The following AUTS2 variants were observed in gnomAD, a reference collection of about 807,000 sequenced individuals.
AUTS2 encodes autism susceptibility gene 2 protein.
Under a neutral mutation model 112.4 loss-of-function variants are expected in AUTS2, and 17 were observed. The ratio of observed to expected loss-of-function variants is 0.15; its 90% CI spans 0.10 to 0.23. The LOEUF (loss-of-function observed/expected upper bound fraction) is 0.23. Ranked by LOEUF, AUTS2 falls within the 10% of genes least tolerant of loss-of-function variation. AUTS2 has a pLI of 1.00. For missense variants in AUTS2, 1,510 were observed against 1,701.6 expected, an observed-to-expected ratio of 0.89 and a Z score of 1.98; for synonymous variants, 751 against 702.7, an observed-to-expected ratio of 1.07 and a Z score of -1.09.
intron 5 of AUTS2, among the ~76,000 whole-genome samples, chr7:70,440,380 C>T (rs1796077933): frequency 6.6e-6 from 1 of 152,086 alleles, no homozygotes; most frequent in Admixed American, 6.5e-5. Flanking sequence ...CTACACTGCA[C>T]TCCAGCCTGA....
At chr7:70,096,272 A>G (rs992822099) in intron 2 of AUTS2, among the ~76,000 whole-genome samples, 2 of 152,190 alleles carry the variant, frequency 1.3e-5, no homozygotes, top group African/African-American at 4.8e-5. Flanking sequence ...GTACCCTGAA[A>G]CTATGCATAT....
At chr7:69,964,558 G>A (rs759539520) in intron 2 of AUTS2, among the ~76,000 whole-genome samples, 5 of 151,956 alleles carry the variant, frequency 3.3e-5, no homozygotes, top group Non-Finnish European at 7.4e-5. Context: ...CTCGGTTTTC[G>A]TGAAGTTTAA....
chr7:69,803,800 C>G (rs1671406392), intron 1 of AUTS2, among the ~76,000 whole-genome samples: 1 of 152,174 alleles, frequency 6.6e-6, no homozygotes. Context: ...GAGGCCAAGG[C>G]AGGAGGATTG....
At chr7:69,877,175 A>T (rs1259195782) in intron 1 of AUTS2, among the ~76,000 whole-genome samples, 15 of 152,172 alleles carry the variant, frequency 9.9e-5, no homozygotes, top group Admixed American at 9.8e-4. Context: ...GCCTTGATTT[A>T]TAATGTCTAG....
At chr7:70,511,141 G>A (rs1281956837) in intron 5 of AUTS2, among the ~76,000 whole-genome samples, 22 of 151,912 alleles carry the variant, frequency 1.4e-4, no homozygotes, top group Admixed American at 2.6e-4. Context: ...GAACCACTGC[G>A]CTCGGCCTTT....
intron 1 of AUTS2, among the ~76,000 whole-genome samples, chr7:69,747,876 A>G (rs1787570336): frequency 6.6e-6 from 1 of 151,882 alleles, no homozygotes; most frequent in South Asian, 2.1e-4. Flanking sequence ...AATCTCTGTT[A>G]GGCCATTTTT....
intron 1 of AUTS2, among the ~76,000 whole-genome samples, chr7:69,737,753 T>TTGTCCTAGGATGCTTTTA (rs1456084533): frequency 1.5e-4 from 23 of 152,304 alleles, no homozygotes; most frequent in African/African-American, 5.1e-4. Context: ...GGATGCTTAT[T>TTGTCCTAGGATGCTTTTA]TGTCATGCAT....
intron 2 of AUTS2, among the ~76,000 whole-genome samples, chr7:70,072,677 A>T (rs977442229): frequency 1.3e-5 from 2 of 152,142 alleles, no homozygotes; most frequent in African/African-American, 4.8e-5. Context: ...CATTCCTAAC[A>T]TAGGTTGGCC....
chr7:70,195,599 C>T (rs965412389), intron 4 of AUTS2, among the ~76,000 whole-genome samples: 53 of 152,184 alleles, frequency 3.5e-4, no homozygotes, highest in African/African-American at 1.2e-3. Context: ...TGCAGTGACC[C>T]GAGATTGTGC....
At chr7:70,675,588 G>T (rs1807869972) in intron 5 of AUTS2, among the ~76,000 whole-genome samples, 1 of 152,146 alleles carries the variant, frequency 6.6e-6, no homozygotes, top group Non-Finnish European at 1.5e-5. Flanking sequence ...GGATTTGGTG[G>T]GTCAGAAATT....
intron 2 of AUTS2, among the ~76,000 whole-genome samples, chr7:70,052,250 G>C (rs1392553390): frequency 1.3e-5 from 2 of 152,148 alleles, no homozygotes; most frequent in Non-Finnish European, 2.9e-5. Flanking sequence ...ATCCATTCAT[G>C]ATAGGGGGTT....
At chr7:69,652,372 G>A (rs1286525129) in intron 1 of AUTS2, among the ~76,000 whole-genome samples, 1 of 151,574 alleles carries the variant, frequency 6.6e-6, no homozygotes, top group Admixed American at 6.6e-5. Flanking sequence ...ACCTGTGACA[G>A]GGATTTTTTT....
intron 2 of AUTS2, among the ~76,000 whole-genome samples, chr7:69,933,569 G>A (rs1191863867): frequency 2.0e-5 from 3 of 152,158 alleles, no homozygotes; most frequent in East Asian, 1.9e-4. Flanking sequence ...GGTTCTGTTC[G>A]AAATAAGTAC....
intron 4 of AUTS2, among the ~76,000 whole-genome samples, chr7:70,429,754 T>G (rs926102618): frequency 1.3e-5 from 2 of 152,234 alleles, no homozygotes; most frequent in African/African-American, 4.8e-5. Context: ...TTTGTTTTTC[T>G]TTTTCATTTT....
chr7:70,087,677 C>T (rs1404496330), intron 2 of AUTS2, among the ~76,000 whole-genome samples: 1 of 152,028 alleles, frequency 6.6e-6, no homozygotes, highest in East Asian at 1.9e-4. Context: ...CCTATTCTGT[C>T]ATTTTCTTTC....
intron 4 of AUTS2, among the ~76,000 whole-genome samples, chr7:70,179,382 C>T (rs766920806): frequency 5.3e-5 from 8 of 152,096 alleles, no homozygotes; most frequent in Non-Finnish European, 8.8e-5. Flanking sequence ...TGTGATTATC[C>T]GAAGGTGTTA....
chr7:70,024,294 T>C (rs1209794278), intron 2 of AUTS2, among the ~76,000 whole-genome samples: 2 of 152,244 alleles, frequency 1.3e-5, no homozygotes, highest in East Asian at 1.9e-4. Context: ...AAGCAGGTAC[T>C]GGGTGGCAGA....
At chr7:70,143,454 G>T (rs1025163219) in intron 4 of AUTS2, among the ~76,000 whole-genome samples, 1 of 152,160 alleles carries the variant, frequency 6.6e-6, no homozygotes. Flanking sequence ...AAGGACCAGC[G>T]CAGTAACACA....
chr7:70,086,564 C>G (rs1348901090), intron 2 of AUTS2, among the ~76,000 whole-genome samples: 1 of 148,374 alleles, frequency 6.7e-6, no homozygotes, highest in African/African-American at 2.5e-5. Context: ...TTGCTTGAAC[C>G]TGGGAAACGA....
Sources: gnomAD v4.1 joint callset for allele counts (sites outside exome capture counted in the v4.1 genomes callset) on GRCh38, gnomAD v4.1.1 for gene constraint, MANE v1.5 for transcripts, NCBI Gene and HGNC (gene_info 2026-07-23, HGNC 2026-07-21) for gene names.